SYN3: variants seen among roughly 807,000 people sequenced by gnomAD.
SYN3 encodes synapsin III.
SYN3 carries 35 observed loss-of-function variants against 65.8 expected under a neutral mutation model. The observed-to-expected ratio is 0.53, with a 90% confidence interval of 0.41 to 0.70. The LOEUF (loss-of-function observed/expected upper bound fraction) is 0.70, where lower values mean the gene tolerates loss of function less well. SYN3 is among the 30% of genes least tolerant of loss of function. SYN3 has a pLI of 0.00. For synonymous variants in SYN3, 270 were observed against 292.9 expected, an observed-to-expected ratio of 0.92 and a Z score of 0.80; for missense variants, 680 against 749.0, an observed-to-expected ratio of 0.91 and a Z score of 1.08.
chr22:33,044,926 T>A (rs948390260), intron 1 of SYN3, among the ~76,000 whole-genome samples: 6 of 150,280 alleles, frequency 4.0e-5, no homozygotes, highest in African/African-American at 2.5e-5. Flanking sequence ...CACCACAACC[T>A]CTGCCTCCCG....
At chr22:32,890,373 C>A (rs2049410669) in intron 4 of SYN3, among the ~76,000 whole-genome samples, 1 of 152,120 alleles carries the variant, frequency 6.6e-6, no homozygotes, top group Middle Eastern at 3.4e-3. Context: ...CTGTGCCTGG[C>A]CTGATTTAGC....
intron 6 of SYN3, among the ~76,000 whole-genome samples, chr22:32,790,791 C>T (rs1283738029): frequency 6.6e-6 from 1 of 152,118 alleles, no homozygotes; most frequent in African/African-American, 2.4e-5. Flanking sequence ...TAACAATAGG[C>T]TCTGACAAGC....
Position 32,541,561 on chromosome 22 carries a change from A to T in SYN3, c.917+10T>A. ...CCCACACTCCCCCAGCCCCTGCCCC[A>T]GAGACTCACATGTAAGCCTTGTAGT... On this transcript the variant is annotated intron_variant, in intron 8 of 13. Transcript: ENST00000358763. 1 of 1,613,934 alleles carries T rather than the reference A, an allele frequency of 6.2e-7. No homozygotes were observed.
At position 32,932,750 on chromosome 22, in the gene SYN3, T is replaced by C. The variant is rs140981959; in HGVS notation, c.370-1269A>G. Among the ~76,000 whole-genome samples the C allele has an allele frequency of 3.2e-3, 482 of 152,308 alleles. 2 individuals are homozygous for C. The highest frequency in any genetic ancestry group is 0.011 in the African/African-American group (450 of 41,578). On this transcript the variant is annotated intron_variant, in intron 3 of 13. Coordinates refer to ENST00000358763, the MANE Select transcript of SYN3 (RefSeq NM_003490.4). ...ACATGCTCCCTGGGATTTCTCACTA[T>C]AACCACCTGTCTTAGTCTCCCAAGG...
chr22:32,809,765 GGGTT>G (rs1416993410), intron 6 of SYN3, among the ~76,000 whole-genome samples: 11 of 152,194 alleles, frequency 7.2e-5, no homozygotes, highest in Admixed American at 2.6e-4. Context: ...GTTTTCTCAT[GGGTT>G]CCTGGGTGAT....
At chr22:32,743,056 T>G (rs895166573) in intron 6 of SYN3, among the ~76,000 whole-genome samples, 5 of 152,216 alleles carry the variant, frequency 3.3e-5, no homozygotes, top group African/African-American at 7.2e-5. Flanking sequence ...AACAAATCAA[T>G]GAAAACCTTG....
chr22:32,528,655 TG>T (rs2058021525), intron 11 of SYN3, among the ~76,000 whole-genome samples: 1 of 152,158 alleles, frequency 6.6e-6, no homozygotes, highest in Non-Finnish European at 1.5e-5. Flanking sequence ...CCCAGGATGG[TG>T]AAGAAGGGAA....
rs530158902 is a variant in SYN3 at position 32,627,066 on chromosome 22, C to T, written c.712-30330G>A. Among the ~76,000 whole-genome samples, 7 of 152,224 alleles carry T rather than the reference C, an allele frequency of 4.6e-5. No homozygotes were observed. The South Asian group carries it at 1.0e-3, about 23-fold the overall frequency. ...ATGGAGGGCCTGCCACTGGCTGGGG[C>T]GTCGAGGGGTAGCGAGCTGTGCGGT... On this transcript the variant is annotated intron_variant, in intron 6 of 13. Coordinates refer to ENST00000358763, the MANE Select transcript of SYN3 (RefSeq NM_003490.4).
intron 1 of SYN3, among the ~76,000 whole-genome samples, chr22:33,027,705 G>C (rs1450790057): frequency 6.6e-6 from 1 of 152,094 alleles, no homozygotes; most frequent in Non-Finnish European, 1.5e-5. Flanking sequence ...AAGAAAGAGA[G>C]AGAGAGAAAG....
chr22:33,053,487 G>C (rs543775123), intron 1 of SYN3, among the ~76,000 whole-genome samples: 2 of 152,246 alleles, frequency 1.3e-5, no homozygotes, highest in Non-Finnish European at 2.9e-5. Context: ...AGGCTGTTGG[G>C]ACCCGACCTT....
At chr22:32,766,613 C>T (rs141617645) in intron 6 of SYN3, among the ~76,000 whole-genome samples, 3 of 152,306 alleles carry the variant, frequency 2.0e-5, no homozygotes, top group Admixed American at 6.5e-5. Flanking sequence ...CACATCATCA[C>T]CTGATTTTGT....
At chr22:32,564,647 G>A (rs774827734) in intron 7 of SYN3, among the ~76,000 whole-genome samples, 53 of 150,180 alleles carry the variant, frequency 3.5e-4, no homozygotes, top group Non-Finnish European at 5.0e-4. Flanking sequence ...CGGTGCTCCC[G>A]GACTGTACAC....
chr22:33,039,172 A>G (rs2053915559), intron 1 of SYN3, among the ~76,000 whole-genome samples: 1 of 152,134 alleles, frequency 6.6e-6, no homozygotes, highest in African/African-American at 2.4e-5. Context: ...AGATAATGAC[A>G]TCAACACTTA....
intron 6 of SYN3, among the ~76,000 whole-genome samples, chr22:32,642,685 C>T (rs1247225393): frequency 6.6e-6 from 1 of 152,062 alleles, no homozygotes; most frequent in Non-Finnish European, 1.5e-5. Flanking sequence ...GCCTCGGCCT[C>T]CCAAAGTGCT....
At chr22:32,643,662 A>T (rs1348537168) in intron 6 of SYN3, among the ~76,000 whole-genome samples, 1 of 151,940 alleles carries the variant, frequency 6.6e-6, no homozygotes, top group Non-Finnish European at 1.5e-5. Context: ...TTCAAATCTC[A>T]ATATTTCAAA....
chr22:32,801,872 G>T lies in SYN3; in HGVS notation c.711+63043C>A. 1 of 1,187,140 alleles carries T rather than the reference G, an allele frequency of 8.4e-7. No homozygotes were observed. Among genetic ancestry groups the T allele is most frequent in the South Asian group, 2.8e-5 (1 of 35,714 alleles). 73.5% of individuals were successfully genotyped at this position (1,187,140 alleles called of 1,614,324 possible). On this transcript the variant is annotated intron_variant, in intron 6 of 13. Coordinates refer to ENST00000358763, the MANE Select transcript of SYN3 (RefSeq NM_003490.4). The surrounding 1 kb of genome is among the most constrained non-coding windows in gnomAD (Gnocchi z 4.7). ...CCGCCGGGCACTCGGAGGGCAGCGC[G>T]CCGGAGGCCAAGGTTGCCCCGCACG...
Position 32,837,558 on chromosome 22 carries a change from C to G in SYN3, c.711+27357G>C, listed in dbSNP as rs1157750930. On this transcript the variant is annotated intron_variant, in intron 6 of 13. Transcript: ENST00000358763. This position sits in a 1 kb window ranked among gnomAD's most constrained non-coding sequence, Gnocchi z 4.1. ...GCGGGAGACAGAGATGCATGAAATA[C>G]TAACGTTGAAGATTAGAAATGGGAT... 6.6e-6 allele frequency among the ~76,000 whole-genome samples: 1 copy of G among 152,066 alleles called. No homozygotes were observed. The highest frequency in any genetic ancestry group is 1.5e-5 in the Non-Finnish European group (1 of 68,026).
At chr22:32,866,042 C>T (rs112520950) in intron 5 of SYN3, among the ~76,000 whole-genome samples, 2,894 of 152,300 alleles carry the variant, frequency 0.019, 37 homozygotes, top group Middle Eastern at 0.034. Context: ...CATGATCCAT[C>T]ACAGACCACC....
intron 2 of SYN3, among the ~76,000 whole-genome samples, chr22:32,984,715 C>T (rs528507564): frequency 1.6e-4 from 24 of 152,144 alleles, no homozygotes; most frequent in Admixed American, 6.5e-4. Context: ...AGGCATCTTT[C>T]GTGGATTTAA....
Sources: allele counts gnomAD v4.1 joint callset (sites outside exome capture counted in the v4.1 genomes callset), GRCh38; gene constraint gnomAD v4.1.1; non-coding constraint Gnocchi (gnomAD v3.1); transcripts MANE v1.5; gene names NCBI Gene and HGNC (gene_info 2026-07-23, HGNC 2026-07-21).